Variants in TMEM150C observed in about 807,000 individuals in gnomAD.
The protein encoded by TMEM150C is transmembrane protein 150C.
A neutral mutation model predicts 29.9 loss-of-function variants in TMEM150C; 10 were observed. The ratio of observed to expected loss-of-function variants is 0.33; its 90% CI spans 0.21 to 0.57. The LOEUF (loss-of-function observed/expected upper bound fraction) is 0.57, where lower values mean the gene tolerates loss of function less well. Ranked by LOEUF, TMEM150C falls within the 20% of genes least tolerant of loss-of-function variation. The pLI, the probability that TMEM150C is intolerant of heterozygous loss-of-function variation, is 0.88. For missense variants in TMEM150C, 251 were observed against 303.6 expected, an observed-to-expected ratio of 0.83 and a Z score of 1.29; for synonymous variants, 101 against 112.5, an observed-to-expected ratio of 0.90 and a Z score of 0.64.
chr4:82,510,544 G>C (rs1027162870), intron 1 of TMEM150C, among the ~76,000 whole-genome samples: 49 of 152,102 alleles, frequency 3.2e-4, no homozygotes, highest in African/African-American at 1.2e-3. Flanking sequence ...TTCTTCATCA[G>C]CAAAGTGGAA....
chr4:82,517,631 C>A (rs1206290947), intron 1 of TMEM150C, among the ~76,000 whole-genome samples: 1 of 152,154 alleles, frequency 6.6e-6, no homozygotes, highest in Non-Finnish European at 1.5e-5. Context: ...CATACCTGCA[C>A]CCCTCCCAGG....
intron 1 of TMEM150C, among the ~76,000 whole-genome samples, chr4:82,547,748 G>C (rs896335338): frequency 6.6e-6 from 1 of 152,226 alleles, no homozygotes; most frequent in Non-Finnish European, 1.5e-5. Context: ...CTTAGGAACT[G>C]TTGGTGGGAA....
chr4:82,549,557 A>G (rs914032706), intron 1 of TMEM150C, among the ~76,000 whole-genome samples: 3 of 152,200 alleles, frequency 2.0e-5, no homozygotes, highest in African/African-American at 7.2e-5. Flanking sequence ...ATGTTAATAT[A>G]CTTGGGACTA....
At chr4:82,549,801 T>G (rs1578156886) in intron 1 of TMEM150C, among the ~76,000 whole-genome samples, 1 of 152,200 alleles carries the variant, frequency 6.6e-6, no homozygotes, top group Non-Finnish European at 1.5e-5. Flanking sequence ...CTTAATTTAT[T>G]TAACCCAGGA....
rs1339163939 is a variant in TMEM150C at position 82,484,249 on chromosome 4, C to A, written c.*1262G>T. On this transcript the variant is annotated 3_prime_UTR_variant, in exon 8 of 8. Transcript: ENST00000449862. ...TCTGCTTTTCTTCATGAAGCACAGT[C>A]TCATAAGCCCACACCTACGGTCTGA... The A allele has an allele frequency of 6.6e-6, 1 of 152,156 alleles. No individual in the cohort carries two copies. The highest frequency in any genetic ancestry group is 1.9e-4 in the East Asian group (1 of 5,204). The allele number at this position is 152,156 out of a possible 1,614,324, so 9.4% of individuals were successfully genotyped here.
intron 6 of TMEM150C, chr4:82,495,505 TC>T: frequency 2.6e-6 from 1 of 380,518 alleles, no homozygotes; most frequent in Non-Finnish European, 5.1e-6. Flanking sequence ...CACCCTAGTA[TC>T]AGTCAGTCCA....
rs537347228 is a variant in TMEM150C at position 82,492,588 on chromosome 4, T to C, written c.364-2350A>G. 5.3e-5 allele frequency among the ~76,000 whole-genome samples: 8 copies of C among 152,178 alleles called. No homozygotes were observed. The South Asian group carries it at 1.7e-3, about 32-fold the overall frequency. ...TTATAGAGGACTCCCATTTAGGTTATTGCCATTGGCGGTTATAGATGTAAA... is the reference window on the plus strand; with the variant it reads ...TTATAGAGGACTCCCATTTAGGTTACTGCCATTGGCGGTTATAGATGTAAA... On this transcript the variant is annotated intron_variant, in intron 6 of 7. Coordinates refer to ENST00000449862, the MANE Select transcript of TMEM150C (RefSeq NM_001080506.3).
intron 6 of TMEM150C, chr4:82,495,179 A>G (rs1335641789): frequency 2.7e-6 from 1 of 364,216 alleles, no homozygotes; most frequent in Admixed American, 3.4e-5. Flanking sequence ...GCGGTGGCTC[A>G]GGCCTGTAAT....
intron 1 of TMEM150C, among the ~76,000 whole-genome samples, chr4:82,541,329 C>A (rs1431021293): frequency 6.6e-6 from 1 of 152,046 alleles, no homozygotes; most frequent in Non-Finnish European, 1.5e-5. Flanking sequence ...GCTGTAATTT[C>A]TTAGAGAGAG....
At chr4:82,526,223 A>G (rs1445930724) in intron 1 of TMEM150C, among the ~76,000 whole-genome samples, 2 of 152,218 alleles carry the variant, frequency 1.3e-5, no homozygotes, top group Admixed American at 1.3e-4. Flanking sequence ...AAACTTTGAT[A>G]GGAAAGTACA....
chr4:82,538,032 T>C (rs908864986), intron 1 of TMEM150C, among the ~76,000 whole-genome samples: 3 of 152,220 alleles, frequency 2.0e-5, no homozygotes, highest in East Asian at 1.9e-4. Flanking sequence ...AAAGTTTATA[T>C]ATAAAGATGT....
chr4:82,513,796 C>T (rs967872569), intron 1 of TMEM150C, among the ~76,000 whole-genome samples: 1 of 152,040 alleles, frequency 6.6e-6, no homozygotes, highest in Non-Finnish European at 1.5e-5. Flanking sequence ...CAGAGGGCTC[C>T]GTATAGCTGC....
chr4:82,500,619 TATC>T (rs1481701329), intron 5 of TMEM150C, among the ~76,000 whole-genome samples: 12 of 152,206 alleles, frequency 7.9e-5, no homozygotes, highest in African/African-American at 2.9e-4. Context: ...TGATGACAAA[TATC>T]ATCTGGAAGA....
At chr4:82,490,288 A>G in intron 6 of TMEM150C, 50 bp from the exon 7 acceptor site, 1 of 1,540,384 alleles carries the variant, frequency 6.5e-7, no homozygotes, top group Non-Finnish European at 8.9e-7. Context: ...AGCAAAGAAG[A>G]CAGGCAAGTT....
chr4:82,495,149 A>G lies in TMEM150C; in HGVS notation c.363+919T>C, dbSNP rs1723502176. The G allele has an allele frequency of 6.0e-6, 3 of 498,492 alleles. No individual in the cohort carries two copies. In the Admixed American group the frequency reaches 9.4e-5, roughly 16 times the overall value. The allele number at this position is 498,492 out of a possible 1,614,324, so 30.9% of individuals were successfully genotyped here. ...GGCAGACATCATCTTCTTTAGAGAC[A>G]CTGAAAAGTTTGACCAGGCGCGGTG... On this transcript the variant is annotated intron_variant, in intron 6 of 7. Transcript: ENST00000449862.
chr4:82,533,356 G>C (rs1025752309), intron 1 of TMEM150C, among the ~76,000 whole-genome samples: 3 of 152,128 alleles, frequency 2.0e-5, no homozygotes. Flanking sequence ...CTCAAATATG[G>C]AAAATTATGG....
chr4:82,561,834 G>A, intron 1 of TMEM150C, 72 bp downstream of exon 1: 2 of 963,254 alleles, frequency 2.1e-6, no homozygotes, highest in Non-Finnish European at 2.5e-6. Flanking sequence ...CCTGCGGGCT[G>A]CGCACGGGGC....
intron 1 of TMEM150C, among the ~76,000 whole-genome samples, chr4:82,561,560 G>A (rs1315424177): frequency 4.0e-5 from 6 of 150,848 alleles, no homozygotes; most frequent in Admixed American, 6.6e-5. Flanking sequence ...GGCCGGGGCC[G>A]GGGCCGGGGC....
chr4:82,504,584 C>A lies in TMEM150C; in HGVS notation c.74G>T (p.Trp25Leu), dbSNP rs1723843288. Residue 25 changes from tryptophan to leucine, a missense_variant, in exon 2 of 8, where the codon TGG becomes TTG. Trp to Leu is a moderately conservative substitution (Grantham distance 61). Coordinates refer to ENST00000449862, the MANE Select transcript of TMEM150C (RefSeq NM_001080506.3). Reference sequence around the variant, plus strand: ...TAAATGAGCAAATACTCACACTATCCACAATCCAGCTGAAGTAAACAAAGT... The same window carrying A: ...TAAATGAGCAAATACTCACACTATCAACAATCCAGCTGAAGTAAACAAAGT... ...VFTLFTSAGL[W>L]IVYFIAVEDD... The A allele has an allele frequency of 6.2e-7, 1 of 1,611,914 alleles. No homozygotes were observed. Among genetic ancestry groups the A allele is most frequent in the African/African-American group, 1.3e-5 (1 of 74,890 alleles).
Sources: allele counts gnomAD v4.1 joint callset (sites outside exome capture counted in the v4.1 genomes callset), GRCh38; gene constraint gnomAD v4.1.1; transcripts MANE v1.5; gene names NCBI Gene and HGNC (gene_info 2026-07-23, HGNC 2026-07-21).